The following DIP2B variants were observed in gnomAD, a reference collection of about 807,000 sequenced individuals.
The protein encoded by DIP2B is DIP2 acetate--CoA ligase B (putative).
In DIP2B, 76 loss-of-function variants were observed where a neutral mutation model predicts 198.0. That is an observed-to-expected ratio of 0.38 (90% CI 0.32 to 0.46). The LOEUF is 0.46. Among genes scored for constraint, DIP2B ranks in the 20% least tolerant of loss-of-function variants. DIP2B has a pLI of 0.99. For missense variants in DIP2B, 1,559 were observed against 1,978.4 expected (o/e 0.79, Z 4.02); for synonymous variants, 701 against 739.1 (o/e 0.95, Z 0.84).
rs1396804695 is a variant in DIP2B, at chr12:50,690,963, T to C, written c.1552-86T>C. ...AAATTCAGCCCATTATGATGGTTTT[T>C]CTGGGTTTTGTTTTTGGATTCTAGT... On this transcript the variant is annotated intron_variant, in intron 12 of 37. Coordinates refer to ENST00000301180, the MANE Select transcript of DIP2B (RefSeq NM_173602.3). 5.2e-6 allele frequency: 6 copies of C among 1,149,514 alleles called. No homozygotes were observed. In the East Asian group the frequency reaches 1.4e-4, roughly 28 times the overall value. The allele number at this position is 1,149,514 out of a possible 1,614,324, so 71.2% of individuals were successfully genotyped here.
intron 3 of DIP2B, among the ~76,000 whole-genome samples, chr12:50,659,397 T>C (rs1476865540): frequency 6.6e-6 from 1 of 152,062 alleles, no homozygotes; most frequent in Non-Finnish European, 1.5e-5. Context: ...GGCCCATTCC[T>C]AGACAAAAGG....
chr12:50,664,063 AC>A (rs1015114423), intron 4 of DIP2B, among the ~76,000 whole-genome samples: 1 of 152,034 alleles, frequency 6.6e-6, no homozygotes, highest in Non-Finnish European at 1.5e-5. Flanking sequence ...TCTTGTATGC[AC>A]CTGGTTTCTG....
At chr12:50,720,040 C>A (rs1326926565) in intron 25 of DIP2B, among the ~76,000 whole-genome samples, 1 of 151,084 alleles carries the variant, frequency 6.6e-6, no homozygotes, top group South Asian at 2.1e-4. Flanking sequence ...AAGCGATTCT[C>A]CTGCCTCAGC....
intron 36 of DIP2B, among the ~76,000 whole-genome samples, chr12:50,739,872 G>A (rs1940209464): frequency 6.6e-6 from 1 of 152,216 alleles, no homozygotes. Flanking sequence ...TTCAGTCCCT[G>A]CAGGGCTGAT....
intron 1 of DIP2B, among the ~76,000 whole-genome samples, chr12:50,510,638 A>G (rs867413685): frequency 9.4e-5 from 14 of 149,542 alleles, no homozygotes; most frequent in African/African-American, 3.4e-4. Context: ...GGGTTCAGCT[A>G]AAGTACCACC....
At chr12:50,572,020 T>G (rs1958619507) in intron 1 of DIP2B, among the ~76,000 whole-genome samples, 1 of 152,224 alleles carries the variant, frequency 6.6e-6, no homozygotes, top group Non-Finnish European at 1.5e-5. Flanking sequence ...TGCCGAAGCC[T>G]TCTCTTTAGA....
At position 50,680,829 on chromosome 12, in the gene DIP2B, A is replaced by G. The variant is rs568020785; in HGVS notation, c.1206+66A>G. On this transcript the variant is annotated intron_variant, in intron 9 of 37. Coordinates refer to ENST00000301180, the MANE Select transcript of DIP2B (RefSeq NM_173602.3). ...TGTTTTCTAATATGCTAATATTCTA[A>G]TATTCTGGAGTTTTCATATACAACA... 2.2e-4 allele frequency: 312 copies of G among 1,405,266 alleles called. 1 individual carries two copies. The African/African-American group carries it at 4.2e-3, about 19-fold the overall frequency. 87.0% of individuals were successfully genotyped at this position (1,405,266 alleles called of 1,614,324 possible).
At chr12:50,735,517 G>C (rs929841264) in intron 34 of DIP2B, among the ~76,000 whole-genome samples, 1 of 151,504 alleles carries the variant, frequency 6.6e-6, no homozygotes, top group African/African-American at 2.4e-5. Flanking sequence ...ACCCAGGCTA[G>C]AGTGCAGTGG....
chr12:50,683,421 G>A (rs111956590), intron 10 of DIP2B, among the ~76,000 whole-genome samples, 173 bp downstream of exon 10: 20 of 152,274 alleles, frequency 1.3e-4, no homozygotes, highest in African/African-American at 4.8e-4. Flanking sequence ...ATATTCACAA[G>A]TTTTATGCAA....
intron 1 of DIP2B, among the ~76,000 whole-genome samples, chr12:50,599,453 T>G (rs1046983956): frequency 6.6e-6 from 1 of 152,002 alleles, no homozygotes; most frequent in Non-Finnish European, 1.5e-5. Flanking sequence ...CTGTCTCTAC[T>G]GAAAATACAA....
At chr12:50,571,235 G>A (rs1471793625) in intron 1 of DIP2B, among the ~76,000 whole-genome samples, 2 of 147,494 alleles carry the variant, frequency 1.4e-5, no homozygotes, top group African/African-American at 5.0e-5. Flanking sequence ...GCTGTGGCAC[G>A]ATCTCGGTTC....
intron 12 of DIP2B, among the ~76,000 whole-genome samples, chr12:50,688,263 A>G (rs1435229385): frequency 6.6e-6 from 1 of 152,162 alleles, no homozygotes; most frequent in Non-Finnish European, 1.5e-5. Context: ...AAGAAAAGGA[A>G]GAGAGTGACC....
intron 7 of DIP2B, among the ~76,000 whole-genome samples, chr12:50,676,893 G>GA (rs1457453153): frequency 1.3e-5 from 2 of 152,134 alleles, no homozygotes; most frequent in Non-Finnish European, 2.9e-5. Context: ...TAGCGTCTGG[G>GA]AATGTACAAA....
chr12:50,721,431 C>A (rs765443347), intron 26 of DIP2B, 35 bp downstream of exon 26: 3 of 1,612,078 alleles, frequency 1.9e-6, no homozygotes, highest in Non-Finnish European at 2.5e-6. Context: ...AGTTTAAGCT[C>A]CAATACTAGA....
chr12:50,658,030 C>T (rs1039738432), intron 3 of DIP2B, among the ~76,000 whole-genome samples: 1 of 150,156 alleles, frequency 6.7e-6, no homozygotes, highest in Non-Finnish European at 1.5e-5. Context: ...GCGGGTGGAT[C>T]GCTGGAGCCC....
intron 1 of DIP2B, among the ~76,000 whole-genome samples, chr12:50,603,048 CA>C (rs1009077152): frequency 1.4e-5 from 2 of 140,666 alleles, no homozygotes; most frequent in African/African-American, 5.3e-5. Context: ...CCTGTAGTCC[CA>C]GCTACTCGGG....
chr12:50,517,401 CTTG>C (rs1466343350), intron 1 of DIP2B, among the ~76,000 whole-genome samples: 4 of 151,990 alleles, frequency 2.6e-5, no homozygotes, highest in Admixed American at 6.6e-5. Flanking sequence ...ATCACTGAGT[CTTG>C]TTGTTTCTAC....
intron 4 of DIP2B, among the ~76,000 whole-genome samples, chr12:50,670,634 C>T (rs1938836114): frequency 6.6e-6 from 1 of 152,124 alleles, no homozygotes; most frequent in East Asian, 1.9e-4. Flanking sequence ...CCAGGCTGGT[C>T]TTGAACTCCT....
chr12:50,727,741 C>A lies in DIP2B; in HGVS notation c.3439C>A (p.Pro1147Thr). The A allele has an allele frequency of 2.5e-6, 4 of 1,614,186 alleles. No homozygotes were observed. In the South Asian group the frequency reaches 4.4e-5, roughly 18 times the overall value. The change falls in exon 29 of 38, where the codon CCG (proline) becomes ACG (threonine). Residue 1147 changes from proline to threonine, a missense_variant. Physicochemically the swap from Pro to Thr is conservative, Grantham distance 38. Coordinates refer to ENST00000301180, the MANE Select transcript of DIP2B (RefSeq NM_173602.3). ...GAAAAGGTTACCTCAGCTGTATAAA[C>A]CGCCCACTCCTGAGATGTTGGCATA... Reference protein sequence around the residue: ...PRKRLPQLYKPPTPEMLAYLD... With the variant: ...PRKRLPQLYKTPTPEMLAYLD...
Sources: gnomAD v4.1 joint callset for allele counts (sites outside exome capture counted in the v4.1 genomes callset) on GRCh38, gnomAD v4.1.1 for gene constraint, MANE v1.5 for transcripts, NCBI Gene and HGNC (gene_info 2026-07-23, HGNC 2026-07-21) for gene names.